GALNT17: variants seen among roughly 807,000 people sequenced by gnomAD.
The protein encoded by GALNT17 is polypeptide N-acetylgalactosaminyltransferase 17.
In GALNT17, 29 loss-of-function variants were observed where a neutral mutation model predicts 63.7. That is an observed-to-expected ratio of 0.46 (90% CI 0.34 to 0.62). The LOEUF (loss-of-function observed/expected upper bound fraction) is 0.62, where lower values mean the gene tolerates loss of function less well. GALNT17 is among the 20% of genes least tolerant of loss of function. GALNT17 has a pLI of 0.01. For synonymous variants in GALNT17, 305 were observed against 318.3 expected (o/e 0.96, Z 0.45); for missense variants, 603 against 799.6 (o/e 0.75, Z 2.97).
intron 5 of GALNT17, among the ~76,000 whole-genome samples, chr7:71,556,483 G>A (rs7791288): frequency 5.6e-4 from 85 of 152,134 alleles, no homozygotes; most frequent in African/African-American, 1.9e-3. Flanking sequence ...TGAGTTTGTG[G>A]CCCACTGTTA....
At chr7:71,674,900 C>T (rs770204165) in intron 8 of GALNT17, among the ~76,000 whole-genome samples, 3 of 152,158 alleles carry the variant, frequency 2.0e-5, no homozygotes, top group African/African-American at 7.2e-5. Flanking sequence ...AAGAAGTTCT[C>T]CTTGGCCAGT....
chr7:71,651,107 G>A (rs1790747214), intron 6 of GALNT17, among the ~76,000 whole-genome samples: 1 of 151,228 alleles, frequency 6.6e-6, no homozygotes, highest in South Asian at 2.1e-4. Flanking sequence ...TAATGGACCA[G>A]TGTTTGAACT....
Position 71,585,076 on chromosome 7 carries a change from ATCT to A in GALNT17, c.1080+13679_1080+13681del, listed in dbSNP as rs1286778143. ...TTGATGTCTTTAACTTGTTCCTTTA[ATCT>A]TCTTTTTATTTTTCTAAGCTGTAAT... is the stretch of plus-strand genomic sequence containing the variant. On this transcript the variant is annotated intron_variant, in intron 6 of 10. Coordinates refer to ENST00000333538, the MANE Select transcript of GALNT17 (RefSeq NM_022479.3). Among the ~76,000 whole-genome samples the A allele has an allele frequency of 5.3e-5, 8 of 152,080 alleles. No individual in the cohort carries two copies. The East Asian group carries it at 1.4e-3, about 26-fold the overall frequency.
intron 5 of GALNT17, among the ~76,000 whole-genome samples, chr7:71,443,167 C>T (rs1451301215): frequency 3.9e-5 from 6 of 152,102 alleles, no homozygotes; most frequent in Non-Finnish European, 7.3e-5. Context: ...TCAGCTTCGT[C>T]GCCAATTCAA....
chr7:71,207,917 C>T (rs1789303344), intron 1 of GALNT17, among the ~76,000 whole-genome samples: 1 of 151,740 alleles, frequency 6.6e-6, no homozygotes, highest in African/African-American at 2.4e-5. Context: ...GGACATGTGC[C>T]TGTAATTTTT....
At chr7:71,436,762 T>G (rs948980365) in intron 5 of GALNT17, among the ~76,000 whole-genome samples, 4 of 152,056 alleles carry the variant, frequency 2.6e-5, no homozygotes, top group South Asian at 2.1e-4. Context: ...GTATCCATGT[T>G]TCCACACTTT....
At chr7:71,190,033 G>A (rs886452747) in intron 1 of GALNT17, among the ~76,000 whole-genome samples, 4 of 151,912 alleles carry the variant, frequency 2.6e-5, no homozygotes, top group Non-Finnish European at 4.4e-5. Context: ...GGATGGTCTC[G>A]ATCACCTGAC....
intron 7 of GALNT17, among the ~76,000 whole-genome samples, chr7:71,666,458 A>AGT (rs932983808): frequency 2.6e-5 from 4 of 151,406 alleles, no homozygotes; most frequent in African/African-American, 9.7e-5. Flanking sequence ...TGGTTACATG[A>AGT]GTAAGTTCTT....
intron 1 of GALNT17, among the ~76,000 whole-genome samples, chr7:71,175,520 G>C (rs1330341945): frequency 6.6e-6 from 1 of 152,058 alleles, no homozygotes; most frequent in African/African-American, 2.4e-5. Context: ...TGTCTTAGAG[G>C]GTCCCTCTGG....
intron 6 of GALNT17, among the ~76,000 whole-genome samples, chr7:71,577,186 G>GT (rs1789553020): frequency 6.6e-6 from 1 of 152,136 alleles, no homozygotes; most frequent in Non-Finnish European, 1.5e-5. Context: ...ATAAAGATGG[G>GT]AATGACAGAC....
intron 1 of GALNT17, among the ~76,000 whole-genome samples, chr7:71,248,215 CT>C (rs1484347170): frequency 6.6e-6 from 1 of 152,178 alleles, no homozygotes; most frequent in East Asian, 1.9e-4. Flanking sequence ...GGAAACTACA[CT>C]TATAAAACCA....
chr7:71,321,853 C>T (rs562276483), intron 1 of GALNT17, among the ~76,000 whole-genome samples: 4 of 140,226 alleles, frequency 2.9e-5, no homozygotes, highest in East Asian at 4.6e-4. Flanking sequence ...TCCTTCCTTT[C>T]CTTCCTTCCT....
intron 6 of GALNT17, among the ~76,000 whole-genome samples, chr7:71,575,467 GC>G (rs1339593679): frequency 1.3e-5 from 2 of 151,108 alleles, no homozygotes; most frequent in African/African-American, 4.9e-5. Context: ...TTGGCTCACT[GC>G]AGGCTCCGCC....
intron 1 of GALNT17, among the ~76,000 whole-genome samples, chr7:71,217,992 G>T (rs1169843487): frequency 6.6e-6 from 1 of 152,052 alleles, no homozygotes; most frequent in Non-Finnish European, 1.5e-5. Context: ...AGGCTTTCCA[G>T]CTCCATGCTA....
At chr7:71,213,690 T>C (rs1789423414) in intron 1 of GALNT17, among the ~76,000 whole-genome samples, 1 of 152,242 alleles carries the variant, frequency 6.6e-6, no homozygotes, top group African/African-American at 2.4e-5. Flanking sequence ...CCACATGGGA[T>C]GATAATTAAA....
chr7:71,193,117 G>C (rs1045341602), intron 1 of GALNT17, among the ~76,000 whole-genome samples: 4 of 146,292 alleles, frequency 2.7e-5, no homozygotes, highest in African/African-American at 5.0e-5. Flanking sequence ...ATTTATTTTT[G>C]AGACAGGGTC....
intron 1 of GALNT17, among the ~76,000 whole-genome samples, chr7:71,282,832 C>T (rs1446752033): frequency 6.6e-6 from 1 of 151,800 alleles, no homozygotes; most frequent in Non-Finnish European, 1.5e-5. Flanking sequence ...TCAGAGGCTA[C>T]CTGGAAATGG....
chr7:71,669,425 C>T (rs886810809), intron 7 of GALNT17, among the ~76,000 whole-genome samples: 62 of 151,974 alleles, frequency 4.1e-4, no homozygotes, highest in Non-Finnish European at 4.6e-4. Context: ...GCAGGAGAAT[C>T]GCTTGAACCC....
chr7:71,370,922 A>G (rs979862688), intron 2 of GALNT17, among the ~76,000 whole-genome samples: 3 of 152,158 alleles, frequency 2.0e-5, no homozygotes, highest in South Asian at 2.1e-4. Flanking sequence ...TATGTTTCTT[A>G]TACAAGCATA....
Sources: allele counts gnomAD v4.1 joint callset (sites outside exome capture counted in the v4.1 genomes callset), GRCh38; gene constraint gnomAD v4.1.1; transcripts MANE v1.5; gene names NCBI Gene and HGNC (gene_info 2026-07-23, HGNC 2026-07-21).